Variants in RBFOX1 observed in about 807,000 individuals in gnomAD.
The protein encoded by RBFOX1 is RNA binding fox-1 homolog 1.
Under a neutral mutation model 57.7 loss-of-function variants are expected in RBFOX1, and 8 were observed. That is an observed-to-expected ratio of 0.14 (90% CI 0.08 to 0.25). The LOEUF (loss-of-function observed/expected upper bound fraction) is 0.25. Ranked by LOEUF, RBFOX1 falls within the 10% of genes least tolerant of loss-of-function variation. The pLI is 1.00. For missense variants in RBFOX1, 611 were observed against 548.5 expected, an observed-to-expected ratio of 1.11 and a Z score of -1.14; for synonymous variants, 326 against 222.4, an observed-to-expected ratio of 1.47 and a Z score of -4.15.
At chr16:5,692,882 A>T (rs796700656) in intron 3 of RBFOX1, among the ~76,000 whole-genome samples, 3 of 152,356 alleles carry the variant, frequency 2.0e-5, no homozygotes, top group African/African-American at 7.2e-5. Context: ...AGAGGTATCA[A>T]AGGTGAAGAC....
intron 2 of RBFOX1, among the ~76,000 whole-genome samples, chr16:6,364,389 A>G (rs559238584): frequency 1.7e-3 from 254 of 152,114 alleles, no homozygotes; most frequent in African/African-American, 6.0e-3. Context: ...TCCCTCCAAC[A>G]TTAAAGACAT....
chr16:5,891,293 C>T (rs147989985), intron 4 of RBFOX1, among the ~76,000 whole-genome samples: 25 of 152,118 alleles, frequency 1.6e-4, no homozygotes, highest in African/African-American at 3.6e-4. Flanking sequence ...TGGCTGGAGC[C>T]GTTTCAGTGC....
intron 1 of RBFOX1, among the ~76,000 whole-genome samples, chr16:6,153,193 A>G (rs2096811960): frequency 6.6e-6 from 1 of 152,078 alleles, no homozygotes. Flanking sequence ...ATTTGTAGAA[A>G]CACTAAGCAA....
intron 3 of RBFOX1, among the ~76,000 whole-genome samples, chr16:6,786,181 C>A (rs79348684): frequency 1.3e-5 from 2 of 152,116 alleles, no homozygotes; most frequent in African/African-American, 4.8e-5. Flanking sequence ...TTCCCATGAC[C>A]CTGTTGACTC....
At chr16:6,455,256 C>A (rs891325371) in intron 2 of RBFOX1, among the ~76,000 whole-genome samples, 6 of 152,028 alleles carry the variant, frequency 3.9e-5, no homozygotes, top group African/African-American at 1.4e-4. Flanking sequence ...CTCAAGGAAT[C>A]TTCAGTCTAC....
intron 1 of RBFOX1, among the ~76,000 whole-genome samples, chr16:6,302,210 A>T (rs899673696): frequency 6.6e-6 from 1 of 152,002 alleles, no homozygotes; most frequent in Non-Finnish European, 1.5e-5. Flanking sequence ...TTTGATGGTT[A>T]CCTGAGGTGG....
At chr16:7,507,457 T>C (rs879866880) in intron 4 of RBFOX1, among the ~76,000 whole-genome samples, 2 of 152,074 alleles carry the variant, frequency 1.3e-5, no homozygotes, top group African/African-American at 2.4e-5. Flanking sequence ...ATCAGAACTA[T>C]CTGGGGCAAC....
At chr16:6,635,561 G>C (rs866594921) in intron 2 of RBFOX1, among the ~76,000 whole-genome samples, 2 of 152,134 alleles carry the variant, frequency 1.3e-5, no homozygotes, top group Non-Finnish European at 2.9e-5. Context: ...AAAATAAAAA[G>C]AGGTATCAAT....
chr16:5,361,855 A>G (rs561690241), intron 1 of RBFOX1, among the ~76,000 whole-genome samples: 6 of 152,342 alleles, frequency 3.9e-5, no homozygotes, highest in Admixed American at 1.3e-4. Flanking sequence ...AGGCTAGCCT[A>G]TGGGCCTCTT....
chr16:6,603,656 A>T (rs761951628), intron 2 of RBFOX1, among the ~76,000 whole-genome samples: 2 of 152,170 alleles, frequency 1.3e-5, no homozygotes, highest in African/African-American at 2.4e-5. Flanking sequence ...ATGCACCACT[A>T]GGCTGACTGT....
At chr16:7,304,927 T>TG (rs1447894652) in intron 4 of RBFOX1, among the ~76,000 whole-genome samples, 9 of 139,992 alleles carry the variant, frequency 6.4e-5, no homozygotes, top group African/African-American at 1.4e-4. Flanking sequence ...TGTGTGTGTG[T>TG]GTGTGTGTGT....
At chr16:6,236,651 A>G (rs906002863) in intron 1 of RBFOX1, among the ~76,000 whole-genome samples, 2 of 152,006 alleles carry the variant, frequency 1.3e-5, no homozygotes, top group African/African-American at 2.4e-5. Context: ...GGGTTTCACC[A>G]TGTTGTCCAG....
intron 3 of RBFOX1, among the ~76,000 whole-genome samples, chr16:5,808,898 A>G (rs4485372): frequency 0.66 from 99,628 of 151,940 alleles, 32,892 homozygotes; most frequent in African/African-American, 0.73. Flanking sequence ...TTTCCTAATT[A>G]AATACCCTTT....
At chr16:5,742,119 T>C (rs545207044) in intron 3 of RBFOX1, among the ~76,000 whole-genome samples, 1 of 152,352 alleles carries the variant, frequency 6.6e-6, no homozygotes, top group Admixed American at 6.5e-5. Context: ...TTCAGAGTGA[T>C]AGTATATGGA....
At chr16:5,551,572 C>G (rs996336497) in intron 2 of RBFOX1, among the ~76,000 whole-genome samples, 1 of 152,212 alleles carries the variant, frequency 6.6e-6, no homozygotes, top group Non-Finnish European at 1.5e-5. Flanking sequence ...GATGCCTGTT[C>G]TCTAGCAGCT....
At chr16:5,713,080 C>A (rs1567435355) in intron 3 of RBFOX1, among the ~76,000 whole-genome samples, 1 of 152,166 alleles carries the variant, frequency 6.6e-6, no homozygotes, top group Non-Finnish European at 1.5e-5. Context: ...AGAAAGTTTT[C>A]CTTTCCTTTA....
intron 2 of RBFOX1, among the ~76,000 whole-genome samples, chr16:5,471,636 C>G (rs1054965792): frequency 6.6e-6 from 1 of 152,158 alleles, no homozygotes; most frequent in Non-Finnish European, 1.5e-5. Context: ...GAAGGAACTT[C>G]CCCAAGGCAG....
intron 4 of RBFOX1, among the ~76,000 whole-genome samples, chr16:7,254,814 A>G (rs1041318969): frequency 1.3e-5 from 2 of 152,192 alleles, no homozygotes; most frequent in Non-Finnish European, 1.5e-5. Flanking sequence ...ACAATGATGA[A>G]CAAGAAGAAA....
chr16:7,234,332 G>C (rs952111526), intron 4 of RBFOX1, among the ~76,000 whole-genome samples: 7 of 152,112 alleles, frequency 4.6e-5, no homozygotes, highest in Non-Finnish European at 1.0e-4. Context: ...GTATAATACA[G>C]TGAGTTGAGA....
Sources: gnomAD v4.1 joint callset for allele counts (sites outside exome capture counted in the v4.1 genomes callset) on GRCh38, gnomAD v4.1.1 for gene constraint, MANE v1.5 for transcripts, NCBI Gene and HGNC (gene_info 2026-07-23, HGNC 2026-07-21) for gene names.